Variants in PPP2R1B observed in about 807,000 individuals in gnomAD.
The protein encoded by PPP2R1B is protein phosphatase 2 scaffold subunit Abeta.
Under a neutral mutation model 72.7 loss-of-function variants are expected in PPP2R1B, and 58 were observed. That is an observed-to-expected ratio of 0.80 (90% CI 0.65 to 0.99). The LOEUF (loss-of-function observed/expected upper bound fraction) is 0.99. PPP2R1B is among the 50% of genes least tolerant of loss of function. The probability of loss-of-function intolerance (pLI) is 0.00; values close to 1 mark genes in which losing one functional copy is unlikely to be tolerated. For synonymous variants in PPP2R1B, 256 were observed against 264.6 expected (o/e 0.97, Z 0.32); for missense variants, 695 against 733.6 (o/e 0.95, Z 0.61).
chr11:111,744,892 G>A (rs1267498426), intron 11 of PPP2R1B, among the ~76,000 whole-genome samples: 1 of 152,150 alleles, frequency 6.6e-6, no homozygotes, highest in African/African-American at 2.4e-5. Flanking sequence ...CTTTCGGTAA[G>A]ACTCAGATGC....
intron 1 of PPP2R1B, chr11:111,765,695 G>A: frequency 2.0e-6 from 1 of 503,898 alleles, no homozygotes; most frequent in South Asian, 1.5e-5. Flanking sequence ...GGTGAAGCAG[G>A]TGAAACGGTT....
intron 9 of PPP2R1B, among the ~76,000 whole-genome samples, chr11:111,753,215 T>G (rs1056359244): frequency 1.3e-5 from 2 of 152,134 alleles, no homozygotes; most frequent in African/African-American, 4.8e-5. Flanking sequence ...AAAAATCAGG[T>G]AAAGATGATA....
In PPP2R1B at chr11:111,755,197, T is replaced by A; in HGVS notation, c.843+98A>T. ...TAAATACATATTTTTGCCACAGCAC[T>A]TCCCATTGAAAAGAATTAATTCAGA... is the stretch of plus-strand genomic sequence containing the variant. On this transcript the variant is annotated intron_variant, in intron 6 of 14. Coordinates refer to ENST00000527614, the MANE Select transcript of PPP2R1B (RefSeq NM_002716.5). 2.6e-6 allele frequency: 4 copies of A among 1,535,922 alleles called. No homozygotes were observed. In the South Asian group the frequency reaches 3.7e-5, roughly 14 times the overall value.
At chr11:111,730,796 G>T (rs2136006065) in intron 15 of PPP2R1B, 1 of 152,236 alleles carries the variant, frequency 6.6e-6, no homozygotes, top group African/African-American at 2.4e-5. Context: ...CAAGGAAAAT[G>T]TACTGTTTTT....
In PPP2R1B at chr11:111,741,022, A is replaced by C. The variant is rs533651909; in HGVS notation, c.*574T>G. ...AAATTGAGCAAATAAAAACCAAAAC[A>C]ACCACTACATTAACCCTGAGCTTCC... On this transcript the variant is annotated 3_prime_UTR_variant, in exon 15 of 15. Coordinates refer to ENST00000527614, the MANE Select transcript of PPP2R1B (RefSeq NM_002716.5). The C allele has an allele frequency of 7.1e-6, 7 of 985,842 alleles. No homozygotes were observed. The highest frequency in any genetic ancestry group is 6.1e-5 in the Admixed American group (1 of 16,328). The allele number at this position is 985,842 out of a possible 1,614,324, so 61.1% of individuals were successfully genotyped here.
downstream of PPP2R1B, chr11:111,723,422 G>T: frequency 6.9e-7 from 1 of 1,443,294 alleles, no homozygotes; most frequent in Non-Finnish European, 9.4e-7. Context: ...GCTAGTGACT[G>T]GTATTGCATT....
the PPP2R1B span, among the ~76,000 whole-genome samples, chr11:111,715,793 C>CTTTTTTTTTTTTTTTTTTTTTTTTTTTTT: frequency 1.2e-5 from 1 of 81,580 alleles, no homozygotes; most frequent in Non-Finnish European, 2.2e-5. Flanking sequence ...TCATTTTTAG[C>CTTTTTTTTTTTTTTTTTTTTTTTTTTTTT]TTTTTTTTTT....
In PPP2R1B at chr11:111,752,263, G is replaced by A; in HGVS notation, c.1234C>T (p.Leu412Phe). 2 of 1,614,124 alleles carry A rather than the reference G, an allele frequency of 1.2e-6. No individual in the cohort carries two copies. The highest frequency in any genetic ancestry group is 1.7e-6 in the Non-Finnish European group (2 of 1,180,000). Residue 412 changes from leucine (L) to phenylalanine (F), a missense_variant, in exon 10 of 15, where the codon CTC becomes TTC. By Grantham distance (22) the Leu-to-Phe change is conservative (BLOSUM62 0). Transcript: ENST00000527614. ...CVNEVIGIRQLSQSLLPAIVE... is the reference protein window; with the variant it reads ...CVNEVIGIRQFSQSLLPAIVE... ...ATGGCAGGAAGGAGAGACTGAGAGA[G>A]CTGACGGATTCCAATCACTTCATTT...
At chr11:111,724,319 G>C, downstream of PPP2R1B, 1 of 778,616 alleles carries the variant, frequency 1.3e-6, no homozygotes, top group Non-Finnish European at 2.0e-6. Context: ...CCACCACAAA[G>C]TTTTCTGTGG....
At chr11:111,701,065 G>A in the PPP2R1B span, 1 of 1,572,414 alleles carries the variant, frequency 6.4e-7, no homozygotes, top group Non-Finnish European at 8.6e-7. The surrounding 1 kb of genome is among the most constrained non-coding windows in gnomAD (Gnocchi z 4.2). Flanking sequence ...AATACTTGGT[G>A]TTCTGGCCCA....
chr11:111,710,336 CTTGT>C, the PPP2R1B span, among the ~76,000 whole-genome samples: 7 of 152,226 alleles, frequency 4.6e-5, no homozygotes, highest in East Asian at 1.9e-4. Context: ...CAGTTGTTTA[CTTGT>C]TTGTTTATTT....
At chr11:111,703,173 G>A in the PPP2R1B span, 15 of 1,602,890 alleles carry the variant, frequency 9.4e-6, no homozygotes, top group East Asian at 3.1e-4. Flanking sequence ...GGTGATTCTT[G>A]TGACTTTTGT....
chr11:111,755,176 T>C (rs1473669121), intron 6 of PPP2R1B, 82 bp from the exon 7 acceptor site: 2 of 1,532,216 alleles, frequency 1.3e-6, no homozygotes, highest in Non-Finnish European at 1.8e-6. Flanking sequence ...AATCTGTAAA[T>C]ACATATTTTT....
rs1944422910 is a variant in PPP2R1B at position 111,738,882 on chromosome 11, T to TGTGTGTGTGTGTGTG, written c.*2713_*2714insCACACACACACACAC. On this transcript the variant is annotated 3_prime_UTR_variant, in exon 15 of 15. Coordinates refer to ENST00000527614, the MANE Select transcript of PPP2R1B (RefSeq NM_002716.5). ...ATTTTTATTGGCATAGGTTATATGT[T>TGTGTGTGTGTGTGTG]TGTGTGTGTGTGTGTGTGTGTGTGT... 2.4e-6 allele frequency: 2 copies of TGTGTGTGTGTGTGTG among 829,380 alleles called. No individual in the cohort carries two copies. The highest frequency in any genetic ancestry group is 4.0e-5 in the African/African-American group (2 of 49,946). 51.4% of individuals were successfully genotyped at this position (829,380 alleles called of 1,614,324 possible). A position where few individuals can be genotyped will look rare whatever the true frequency, so the allele number is the denominator to read the frequency against.
chr11:111,723,653 A>G (rs1189497218), downstream of PPP2R1B: 72 of 1,613,990 alleles, frequency 4.5e-5, no homozygotes, highest in Non-Finnish European at 5.9e-5. Flanking sequence ...CCCACCGTTC[A>G]GCCTGACCCA....
chr11:111,737,674 G>T, downstream of PPP2R1B: 2 of 1,561,606 alleles, frequency 1.3e-6, no homozygotes, highest in Non-Finnish European at 1.7e-6. Context: ...TGCCAGCAGA[G>T]TTGGGTGTCC....
chr11:111,702,298 C>CT, the PPP2R1B span, among the ~76,000 whole-genome samples: 1 of 152,200 alleles, frequency 6.6e-6, no homozygotes, highest in African/African-American at 2.4e-5. Flanking sequence ...TTAAATTAAT[C>CT]TGTCAGTCAG....
At chr11:111,710,552 T>C in the PPP2R1B span, among the ~76,000 whole-genome samples, 1 of 152,176 alleles carries the variant, frequency 6.6e-6, no homozygotes, top group African/African-American at 2.4e-5. Flanking sequence ...CTAGGAACCG[T>C]TAGTATTTGA....
In PPP2R1B at chr11:111,755,563, T is replaced by C. The variant is rs1466525607; in HGVS notation, c.688-113A>G. The C allele has an allele frequency of 9.4e-6, 9 of 956,158 alleles. No homozygotes were observed. In the Admixed American group the frequency reaches 3.1e-4, roughly 33 times the overall value. The allele number at this position is 956,158 out of a possible 1,614,324, so 59.2% of individuals were successfully genotyped here. A position where few individuals can be genotyped will look rare whatever the true frequency, so the allele number is the denominator to read the frequency against. ...ACACCACCAAGACTGCCACACCTTA[T>C]ATAGTTTCACGTCTTGACATCTTTT... On this transcript the variant is annotated intron_variant, in intron 5 of 14. Transcript: ENST00000527614.
Sources: gnomAD v4.1 joint callset for allele counts (sites outside exome capture counted in the v4.1 genomes callset) on GRCh38, gnomAD v4.1.1 for gene constraint, Gnocchi (gnomAD v3.1) non-coding constraint, MANE v1.5 for transcripts, NCBI Gene and HGNC (gene_info 2026-07-23, HGNC 2026-07-21) for gene names.